NBEA: variants seen among roughly 807,000 people sequenced by gnomAD.
NBEA encodes neurobeachin.
In NBEA, 44 loss-of-function variants were observed where a neutral mutation model predicts 343.4. The ratio of observed to expected loss-of-function variants is 0.13; its 90% CI spans 0.10 to 0.16. NBEA has a LOEUF of 0.16. Ranked by LOEUF, NBEA falls within the 10% of genes least tolerant of loss-of-function variation. The probability of loss-of-function intolerance (pLI) is 1.00; values close to 1 mark genes in which losing one functional copy is unlikely to be tolerated. For missense variants in NBEA, 2,555 were observed against 3,631.3 expected, an observed-to-expected ratio of 0.70 and a Z score of 7.62; for synonymous variants, 1,175 against 1,238.7, an observed-to-expected ratio of 0.95 and a Z score of 1.08.
chr13:34,954,831 C>CA (rs1372929115), intron 1 of NBEA, among the ~76,000 whole-genome samples: 1 of 152,080 alleles, frequency 6.6e-6, no homozygotes, highest in Non-Finnish European at 1.5e-5. Context: ...AAAAAATGTA[C>CA]ATGTTCAATA....
chr13:35,599,030 C>A (rs1387331438), intron 47 of NBEA, among the ~76,000 whole-genome samples: 2 of 152,198 alleles, frequency 1.3e-5, no homozygotes, highest in African/African-American at 2.4e-5. Context: ...GCCTGGAAAT[C>A]TTCTAAGTCA....
intron 10 of NBEA, among the ~76,000 whole-genome samples, chr13:35,087,239 A>T (rs773398276): frequency 6.6e-6 from 1 of 151,860 alleles, no homozygotes; most frequent in African/African-American, 2.4e-5. Context: ...ACAATAAAAC[A>T]ACTAGAAAAA....
At position 34,942,738 on chromosome 13, in the gene NBEA, C is replaced by CG; in HGVS notation, c.-77dup. The CG allele has an allele frequency of 7.7e-6, 9 of 1,164,610 alleles. No homozygotes were observed. The highest frequency in any genetic ancestry group is 9.8e-6 in the Non-Finnish European group (9 of 922,822). The allele number at this position is 1,164,610 out of a possible 1,614,324, so 72.1% of individuals were successfully genotyped here. A position where few individuals can be genotyped will look rare whatever the true frequency, so the allele number is the denominator to read the frequency against. On this transcript the variant is annotated 5_prime_UTR_variant, in exon 1 of 59. Transcript: ENST00000379939. Reference sequence around the variant, plus strand: ...GATGCTGGGGCTCCGAGGCGACGGCCGGGGGGCGGGGGCCGAGGCAGGTAT... The same window carrying CG: ...GATGCTGGGGCTCCGAGGCGACGGCCGGGGGGGCGGGGGCCGAGGCAGGTAT...
chr13:35,294,974 G>A (rs984707313), intron 35 of NBEA, among the ~76,000 whole-genome samples: 1 of 151,108 alleles, frequency 6.6e-6, no homozygotes, highest in African/African-American at 2.4e-5. Context: ...TAATCATTTG[G>A]CTTCCCTGGG....
At chr13:35,594,905 C>T (rs926596388) in intron 47 of NBEA, among the ~76,000 whole-genome samples, 4 of 150,972 alleles carry the variant, frequency 2.6e-5, no homozygotes, top group African/African-American at 7.3e-5. Flanking sequence ...TTATATCAGC[C>T]TATTTCAAAT....
Position 35,391,287 on chromosome 13 carries a change from A to AG in NBEA, c.6179+38964_6179+38965insG, listed in dbSNP as rs1449871480. ...CAGACTTGATCTCAAAAAAAAAAAA[A>AG]AAGAAGAAGAAGAAGAGGGCCATAT... On this transcript the variant is annotated intron_variant, in intron 38 of 58. Coordinates refer to ENST00000379939, the MANE Select transcript of NBEA (RefSeq NM_001385012.1). 5.9e-5 allele frequency among the ~76,000 whole-genome samples: 9 copies of AG among 151,854 alleles called. No individual in the cohort carries two copies. The East Asian group carries it at 1.4e-3, about 23-fold the overall frequency.
At chr13:35,602,118 C>T (rs2082081546) in intron 47 of NBEA, among the ~76,000 whole-genome samples, 1 of 152,188 alleles carries the variant, frequency 6.6e-6, no homozygotes, top group Non-Finnish European at 1.5e-5. Context: ...TAAGTTGATT[C>T]CTGGCCTTGG....
intron 28 of NBEA, among the ~76,000 whole-genome samples, chr13:35,178,956 G>T (rs1034912157): frequency 2.0e-5 from 3 of 151,570 alleles, no homozygotes; most frequent in Non-Finnish European, 3.0e-5. Context: ...CAAAGGCACA[G>T]TCAGACGTAA....
At chr13:35,490,372 C>A (rs1187983450) in intron 41 of NBEA, among the ~76,000 whole-genome samples, 1 of 151,858 alleles carries the variant, frequency 6.6e-6, no homozygotes, top group Non-Finnish European at 1.5e-5. Context: ...AGGGCAAGTA[C>A]CACTTTATTA....
At chr13:35,013,718 C>G (rs2061560647) in intron 1 of NBEA, among the ~76,000 whole-genome samples, 2 of 152,186 alleles carry the variant, frequency 1.3e-5, no homozygotes, top group Admixed American at 1.3e-4. Flanking sequence ...ATCCACCTGC[C>G]TTGCCCTCCC....
At chr13:35,128,315 A>G (rs1452677720) in intron 17 of NBEA, among the ~76,000 whole-genome samples, 4 of 152,170 alleles carry the variant, frequency 2.6e-5, no homozygotes, top group African/African-American at 7.2e-5. Context: ...AGCAATAACC[A>G]TTAGATAAAG....
rs754080929 is a variant in NBEA, at chr13:35,352,149, C to A, written c.6013-8C>A. 4.9e-6 allele frequency: 7 copies of A among 1,418,024 alleles called. No individual in the cohort carries two copies. In the East Asian group the frequency reaches 1.6e-4, roughly 32 times the overall value. 87.8% of individuals were successfully genotyped at this position (1,418,024 alleles called of 1,614,324 possible). Reference sequence around the variant, plus strand: ...TTATTATTATGCATCATTTGTATTTCTTTATAGTCACAGTGTGCCCAATAT... The same window carrying A: ...TTATTATTATGCATCATTTGTATTTATTTATAGTCACAGTGTGCCCAATAT... On this transcript the variant is annotated splice_polypyrimidine_tract_variant and splice_region_variant and intron_variant, in intron 37 of 58. Transcript: ENST00000379939.
chr13:35,205,403 T>C (rs2073324456), intron 31 of NBEA, among the ~76,000 whole-genome samples: 1 of 152,162 alleles, frequency 6.6e-6, no homozygotes, highest in Non-Finnish European at 1.5e-5. Flanking sequence ...TGGTCCTAAT[T>C]TGGTATTCTG....
At chr13:35,083,888 C>T (rs545979639) in intron 10 of NBEA, among the ~76,000 whole-genome samples, 1 of 151,908 alleles carries the variant, frequency 6.6e-6, no homozygotes, top group African/African-American at 2.4e-5. Flanking sequence ...GAAGATCTAC[C>T]AAGCAAACAG....
At chr13:35,068,522 A>G (rs545421009) in intron 8 of NBEA, among the ~76,000 whole-genome samples, 15 of 152,254 alleles carry the variant, frequency 9.9e-5, no homozygotes, top group Non-Finnish European at 1.5e-4. Flanking sequence ...GAATGCAGGT[A>G]TGCTGAGTTC....
chr13:35,412,755 C>G (rs968997420), intron 38 of NBEA, among the ~76,000 whole-genome samples: 1 of 152,084 alleles, frequency 6.6e-6, no homozygotes, highest in African/African-American at 2.4e-5. Flanking sequence ...ATGTAGTATT[C>G]TTAAGATAGT....
intron 36 of NBEA, among the ~76,000 whole-genome samples, chr13:35,323,282 T>C (rs2038296111): frequency 6.6e-6 from 1 of 152,050 alleles, no homozygotes; most frequent in Non-Finnish European, 1.5e-5. Context: ...TACTGCGGCA[T>C]TATTCACAAT....
Position 35,614,220 on chromosome 13 carries a change from C to T in NBEA, c.7449+7642C>T, listed in dbSNP as rs144393862. Among the ~76,000 whole-genome samples the T allele has an allele frequency of 3.4e-3, 510 of 152,170 alleles. 1 individual carries two copies. The highest frequency in any genetic ancestry group is 5.3e-3 in the Non-Finnish European group (360 of 68,002). ...TATTTGTTTCCTTGTTGAGTAGTTT[C>T]GGTTCCTTGTATTATGGTTATCTTT... On this transcript the variant is annotated intron_variant, in intron 48 of 58. Transcript: ENST00000379939.
At chr13:35,167,804 T>C (rs1385779919) in intron 24 of NBEA, among the ~76,000 whole-genome samples, 1 of 151,714 alleles carries the variant, frequency 6.6e-6, no homozygotes, top group African/African-American at 2.4e-5. Flanking sequence ...AAGTGAAAAA[T>C]TGGAGAAGAA....
Sources: allele counts gnomAD v4.1 joint callset (sites outside exome capture counted in the v4.1 genomes callset), GRCh38; gene constraint gnomAD v4.1.1; transcripts MANE v1.5; gene names NCBI Gene and HGNC (gene_info 2026-07-23, HGNC 2026-07-21).